TENM3: variants seen among roughly 807,000 people sequenced by gnomAD.
The protein encoded by TENM3 is teneurin-3.
TENM3 carries 63 observed loss-of-function variants against 255.1 expected under a neutral mutation model. That is an observed-to-expected ratio of 0.25 (90% CI 0.20 to 0.30). TENM3 has a LOEUF of 0.30. TENM3 is among the 10% of genes least tolerant of loss of function. The pLI is 1.00. For synonymous variants in TENM3, 1,306 were observed against 1,322.3 expected (o/e 0.99, Z 0.27); for missense variants, 2,929 against 3,461.1 (o/e 0.85, Z 3.86).
intron 3 of TENM3, among the ~76,000 whole-genome samples, chr4:182,394,216 G>A (rs1298552513): frequency 6.6e-6 from 1 of 151,992 alleles, no homozygotes; most frequent in Non-Finnish European, 1.5e-5. Context: ...CCTAATGTAT[G>A]CTTATATTTA....
intron 1 of TENM3, among the ~76,000 whole-genome samples, chr4:182,256,426 C>T (rs1191497968): frequency 6.6e-6 from 1 of 152,208 alleles, no homozygotes; most frequent in Non-Finnish European, 1.5e-5. Flanking sequence ...AACCATCCCA[C>T]TGACTATATA....
the TENM3 span, among the ~76,000 whole-genome samples, chr4:181,966,235 A>C: frequency 6.6e-6 from 1 of 152,114 alleles, no homozygotes; most frequent in Non-Finnish European, 1.5e-5. Flanking sequence ...TTACACAGGG[A>C]GATTTATTCA....
the TENM3 span, among the ~76,000 whole-genome samples, chr4:181,476,401 A>G: frequency 3.3e-5 from 5 of 152,228 alleles, no homozygotes; most frequent in Admixed American, 2.6e-4. Flanking sequence ...TCCTCCCACC[A>G]GTCAGTTATG....
chr4:181,981,672 C>A, the TENM3 span, among the ~76,000 whole-genome samples: 1 of 151,676 alleles, frequency 6.6e-6, no homozygotes, highest in African/African-American at 2.4e-5. Flanking sequence ...AACTGATAAG[C>A]AAAATAAGAA....
At chr4:181,825,282 T>G in the TENM3 span, among the ~76,000 whole-genome samples, 1 of 151,236 alleles carries the variant, frequency 6.6e-6, no homozygotes, top group South Asian at 2.1e-4. Context: ...GAGCCTGTAC[T>G]CCCAGCTACT....
At chr4:181,997,958 A>G in the TENM3 span, among the ~76,000 whole-genome samples, 2 of 152,222 alleles carry the variant, frequency 1.3e-5, no homozygotes, top group South Asian at 4.1e-4. Context: ...ATAAGATTTC[A>G]CAATCTAATC....
At chr4:182,237,145 T>C (rs13126048) in intron 1 of TENM3, among the ~76,000 whole-genome samples, 95,352 of 151,898 alleles carry the variant, frequency 0.63, 31,666 homozygotes, top group Non-Finnish European at 0.75. Context: ...GATAGTGGCG[T>C]CCAGCTCCAT....
chr4:182,419,773 G>A (rs1003009015), intron 3 of TENM3, among the ~76,000 whole-genome samples: 2 of 149,028 alleles, frequency 1.3e-5, no homozygotes, highest in Non-Finnish European at 1.5e-5. Flanking sequence ...CGCAAGGACA[G>A]AAAACCAAAC....
intron 1 of TENM3, among the ~76,000 whole-genome samples, chr4:182,184,809 G>A (rs13118411): frequency 0.2 from 29,911 of 151,960 alleles, 3,623 homozygotes; most frequent in Middle Eastern, 0.28. Flanking sequence ...TATTTTGGCC[G>A]GGCGTGGTGG....
rs377717222 is a variant in TENM3 at position 182,362,039 on chromosome 4, G to A, written c.511+15110G>A. 2.5e-4 allele frequency among the ~76,000 whole-genome samples: 38 copies of A among 152,248 alleles called. No individual in the cohort carries two copies. In the Middle Eastern group the frequency reaches 0.01, roughly 41 times the overall value. On this transcript the variant is annotated intron_variant, in intron 3 of 27. Transcript: ENST00000511685. ...GGTGTCTGCAGAACAGTGGTTTTTC[G>A]TGAACCGCGAAAGCTGCTGTCTGAT...
At chr4:182,523,146 C>T (rs1467574309) in intron 3 of TENM3, among the ~76,000 whole-genome samples, 5 of 151,742 alleles carry the variant, frequency 3.3e-5, no homozygotes, top group East Asian at 1.9e-4. Context: ...AATAATTTGG[C>T]GGGTTTTGTT....
intron 1 of TENM3, among the ~76,000 whole-genome samples, chr4:182,252,044 G>A (rs1344619323): frequency 6.6e-6 from 1 of 152,072 alleles, no homozygotes; most frequent in Non-Finnish European, 1.5e-5. Context: ...CTTGCTGGGT[G>A]TGGTGGTACA....
intron 12 of TENM3, among the ~76,000 whole-genome samples, chr4:182,689,971 A>AGAG (rs1756889843): frequency 6.6e-6 from 1 of 152,226 alleles, no homozygotes; most frequent in Admixed American, 6.5e-5. Context: ...TTCCTGACTT[A>AGAG]GAGTCTAAGA....
chr4:182,763,743 A>G (rs1763417069), intron 22 of TENM3, among the ~76,000 whole-genome samples: 1 of 152,198 alleles, frequency 6.6e-6, no homozygotes, highest in African/African-American at 2.4e-5. Flanking sequence ...TAAATGCATC[A>G]GACTATTCCT....
chr4:181,544,049 T>C, the TENM3 span, among the ~76,000 whole-genome samples: 2 of 152,222 alleles, frequency 1.3e-5, no homozygotes, highest in Middle Eastern at 3.4e-3. Context: ...GAATAATCAA[T>C]GAGATGATTT....
chr4:182,285,857 G>GAA (rs5864775), intron 1 of TENM3, among the ~76,000 whole-genome samples: 3 of 150,116 alleles, frequency 2.0e-5, no homozygotes, highest in African/African-American at 4.9e-5. Flanking sequence ...ACCATAAAAA[G>GAA]AAAAAAAAAT....
chr4:182,771,649 C>G (rs4594763), intron 22 of TENM3, among the ~76,000 whole-genome samples: 137,555 of 152,280 alleles, frequency 0.9, 62,312 homozygotes, highest in East Asian at 1. Context: ...AACGACAGAA[C>G]TTTAGGCTGG....
chr4:181,686,869 GC>G, the TENM3 span, among the ~76,000 whole-genome samples: 3 of 152,068 alleles, frequency 2.0e-5, no homozygotes, highest in Non-Finnish European at 4.4e-5. Context: ...TGCTGAAAAT[GC>G]TTTCTCATTG....
chr4:181,482,794 C>G, the TENM3 span, among the ~76,000 whole-genome samples: 1 of 152,034 alleles, frequency 6.6e-6, no homozygotes, highest in Admixed American at 6.6e-5. Flanking sequence ...CATGATTTAC[C>G]ATTCTTCAAT....
Sources: allele counts gnomAD v4.1 joint callset (sites outside exome capture counted in the v4.1 genomes callset), GRCh38; gene constraint gnomAD v4.1.1; transcripts MANE v1.5; gene names NCBI Gene and HGNC (gene_info 2026-07-23, HGNC 2026-07-21).